The following ZDHHC21 variants were observed in gnomAD, a reference collection of about 807,000 sequenced individuals.
The protein encoded by ZDHHC21 is zDHHC palmitoyltransferase 21.
Under a neutral mutation model 34.6 loss-of-function variants are expected in ZDHHC21, and 15 were observed. The ratio of observed to expected loss-of-function variants is 0.43; its 90% CI spans 0.29 to 0.67. The LOEUF (loss-of-function observed/expected upper bound fraction) is 0.67, where lower values mean the gene tolerates loss of function less well. Among genes scored for constraint, ZDHHC21 ranks in the 30% least tolerant of loss-of-function variants. The pLI is 0.14. For missense variants in ZDHHC21, 344 were observed against 327.7 expected, an observed-to-expected ratio of 1.05 and a Z score of -0.38; for synonymous variants, 142 against 101.8, an observed-to-expected ratio of 1.40 and a Z score of -2.38.
intron 7 of ZDHHC21, among the ~76,000 whole-genome samples, chr9:14,643,527 G>C (rs919658194): frequency 6.6e-6 from 1 of 152,088 alleles, no homozygotes; most frequent in Admixed American, 6.5e-5. Context: ...ATTTTACGTA[G>C]TCCAATGTAT....
chr9:14,602,108 G>A, the ZDHHC21 span, among the ~76,000 whole-genome samples: 2 of 151,738 alleles, frequency 1.3e-5, no homozygotes, highest in Non-Finnish European at 2.9e-5. Flanking sequence ...TAACAAACCT[G>A]CATGTTCTAC....
At chr9:14,687,075 C>T (rs1033183899) in intron 2 of ZDHHC21, among the ~76,000 whole-genome samples, 1 of 150,488 alleles carries the variant, frequency 6.6e-6, no homozygotes, top group Non-Finnish European at 1.5e-5. Context: ...GTGGTACAAC[C>T]AAACATTTTT....
intron 7 of ZDHHC21, among the ~76,000 whole-genome samples, chr9:14,656,997 CAT>C (rs34975116): frequency 1.9e-4 from 29 of 152,112 alleles, no homozygotes; most frequent in Admixed American, 7.8e-4. Flanking sequence ...TAAATATACA[CAT>C]ATATGTCGTA....
intron 8 of ZDHHC21, among the ~76,000 whole-genome samples, chr9:14,623,581 T>C (rs1825685778): frequency 6.8e-6 from 1 of 146,052 alleles, no homozygotes; most frequent in African/African-American, 2.6e-5. Flanking sequence ...AGAAAATCTC[T>C]GCAACTATAC....
downstream of ZDHHC21, among the ~76,000 whole-genome samples, chr9:14,610,361 A>G (rs919958283): frequency 2.0e-5 from 3 of 152,024 alleles, no homozygotes; most frequent in African/African-American, 7.2e-5. Flanking sequence ...ATAATCCTTA[A>G]AAGTTTATCA....
downstream of ZDHHC21, among the ~76,000 whole-genome samples, chr9:14,610,663 T>C (rs963316189): frequency 3.9e-5 from 6 of 152,020 alleles, no homozygotes; most frequent in Non-Finnish European, 7.4e-5. Flanking sequence ...TAATTCAATA[T>C]TGCCAGATCT....
At position 14,611,099 on chromosome 9, in the gene ZDHHC21, A is replaced by C. The variant is rs1039533459; in HGVS notation, c.*7867T>G. 6.6e-6 allele frequency: 1 copy of C among 152,086 alleles called. No individual in the cohort carries two copies. Among genetic ancestry groups the C allele is most frequent in the East Asian group, 1.9e-4 (1 of 5,188 alleles). The allele number at this position is 152,086 out of a possible 1,614,324, so 9.4% of individuals were successfully genotyped here. On this transcript the variant is annotated 3_prime_UTR_variant, in exon 10 of 10. Coordinates refer to ENST00000380916, the MANE Select transcript of ZDHHC21 (RefSeq NM_178566.6). ...GTTTTTAAAAAATATTTATTTAAAA[A>C]TAAGATTTCAAAAAATACAGTACTT...
At chr9:14,645,862 G>A (rs1249089558) in intron 7 of ZDHHC21, among the ~76,000 whole-genome samples, 3 of 152,118 alleles carry the variant, frequency 2.0e-5, no homozygotes, top group Admixed American at 6.6e-5. Flanking sequence ...AAAACACAAT[G>A]AAGTACTGCT....
At chr9:14,601,141 T>C in the ZDHHC21 span, among the ~76,000 whole-genome samples, 19 of 152,264 alleles carry the variant, frequency 1.2e-4, 1 homozygote, top group African/African-American at 3.6e-4. Flanking sequence ...AAAGCCAAAA[T>C]TGACAAATGG....
intron 8 of ZDHHC21, among the ~76,000 whole-genome samples, chr9:14,633,874 C>G (rs1827806782): frequency 6.6e-6 from 1 of 152,200 alleles, no homozygotes; most frequent in African/African-American, 2.4e-5. Context: ...TCCCCAGTAG[C>G]AGGGCTGCAA....
chr9:14,635,851 ACT>A (rs1195005322), intron 8 of ZDHHC21, among the ~76,000 whole-genome samples: 1 of 152,072 alleles, frequency 6.6e-6, no homozygotes, highest in Non-Finnish European at 1.5e-5. Context: ...ATAGAGCAAG[ACT>A]CTGTCTCAAT....
intron 2 of ZDHHC21, among the ~76,000 whole-genome samples, chr9:14,687,749 A>G (rs1227514299): frequency 1.3e-5 from 2 of 151,004 alleles, no homozygotes; most frequent in African/African-American, 5.0e-5. Context: ...AAACAATTTC[A>G]AAGTTTCAAA....
chr9:14,621,597 T>A (rs897635763), intron 8 of ZDHHC21, among the ~76,000 whole-genome samples: 1 of 152,022 alleles, frequency 6.6e-6, no homozygotes, highest in African/African-American at 2.4e-5. Flanking sequence ...AAATAGGCTA[T>A]TTTTTTTCCT....
intron 7 of ZDHHC21, among the ~76,000 whole-genome samples, chr9:14,655,296 T>A (rs1831989012): frequency 6.6e-6 from 1 of 151,836 alleles, no homozygotes; most frequent in Non-Finnish European, 1.5e-5. Flanking sequence ...AATAAAAGCA[T>A]CTTCAGGGAA....
chr9:14,693,124 G>C (rs1301848347), intron 1 of ZDHHC21, 105 bp downstream of exon 1: 1 of 212,976 alleles, frequency 4.7e-6, no homozygotes. Flanking sequence ...CGGAGGAGCG[G>C]CGGGCGGGCC....
intron 5 of ZDHHC21, among the ~76,000 whole-genome samples, chr9:14,670,029 A>C (rs78508117): frequency 0.055 from 8,310 of 152,030 alleles, 282 homozygotes; most frequent in Admixed American, 0.12. Flanking sequence ...ACAAAAAAAA[A>C]CAAAACAAAC....
intron 3 of ZDHHC21, among the ~76,000 whole-genome samples, chr9:14,679,772 T>G (rs910548522): frequency 2.6e-5 from 4 of 152,144 alleles, no homozygotes; most frequent in African/African-American, 9.6e-5. Flanking sequence ...TACAGAAGGA[T>G]TCGCTGTAAA....
intron 8 of ZDHHC21, among the ~76,000 whole-genome samples, chr9:14,628,653 A>G (rs1169361317): frequency 6.6e-6 from 1 of 152,170 alleles, no homozygotes; most frequent in Non-Finnish European, 1.5e-5. Flanking sequence ...TTTCTTATGC[A>G]ACCTGACAAA....
chr9:14,628,207 G>C (rs967906431), intron 8 of ZDHHC21, among the ~76,000 whole-genome samples: 5 of 152,076 alleles, frequency 3.3e-5, no homozygotes, highest in African/African-American at 1.2e-4. Flanking sequence ...AATGAGATTA[G>C]AATCCACTAT....
Sources: allele counts gnomAD v4.1 joint callset (sites outside exome capture counted in the v4.1 genomes callset), GRCh38; gene constraint gnomAD v4.1.1; transcripts MANE v1.5; gene names NCBI Gene and HGNC (gene_info 2026-07-23, HGNC 2026-07-21).